SLC8A1: variants seen among roughly 807,000 people sequenced by gnomAD.
SLC8A1 encodes solute carrier family 8 member A1.
A neutral mutation model predicts 68.3 loss-of-function variants in SLC8A1; 18 were observed. The ratio of observed to expected loss-of-function variants is 0.26; its 90% CI spans 0.18 to 0.39. The LOEUF is 0.39. Among genes scored for constraint, SLC8A1 ranks in the 10% least tolerant of loss-of-function variants. The pLI, the probability that SLC8A1 is intolerant of heterozygous loss-of-function variation, is 1.00. For missense variants in SLC8A1, 985 were observed against 1,156.7 expected (o/e 0.85, Z 2.15); for synonymous variants, 475 against 415.5 (o/e 1.14, Z -1.74).
At chr2:40,150,525 A>G (rs1225992374) in intron 6 of SLC8A1, among the ~76,000 whole-genome samples, 3 of 152,188 alleles carry the variant, frequency 2.0e-5, no homozygotes, top group South Asian at 4.1e-4. Flanking sequence ...AACTGTATTC[A>G]CATTGCAGCA....
At chr2:40,391,146 T>C (rs895972581) in intron 2 of SLC8A1, among the ~76,000 whole-genome samples, 1 of 148,778 alleles carries the variant, frequency 6.7e-6, no homozygotes, top group Non-Finnish European at 1.5e-5. Flanking sequence ...CCTTAAAATA[T>C]ATATATATAT....
At chr2:40,486,689 TTAG>T (rs1193675472) in intron 1 of SLC8A1, among the ~76,000 whole-genome samples, 1 of 152,204 alleles carries the variant, frequency 6.6e-6, no homozygotes, top group East Asian at 1.9e-4. Context: ...AGGTTTCCTA[TTAG>T]TAGTATCTTA....
intron 2 of SLC8A1, among the ~76,000 whole-genome samples, chr2:40,210,351 C>G (rs1661043267): frequency 6.6e-6 from 1 of 152,100 alleles, no homozygotes; most frequent in South Asian, 2.1e-4. Flanking sequence ...ACTCATAGCT[C>G]TTTGCATTTG....
intron 2 of SLC8A1, among the ~76,000 whole-genome samples, chr2:40,392,876 C>T (rs1390882849): frequency 1.3e-5 from 2 of 152,064 alleles, no homozygotes; most frequent in Non-Finnish European, 2.9e-5. Context: ...TTACTCACTT[C>T]ACTTCTTCTT....
chr2:40,149,044 G>C (rs534702827), intron 6 of SLC8A1, among the ~76,000 whole-genome samples: 2 of 152,288 alleles, frequency 1.3e-5, no homozygotes, highest in South Asian at 4.1e-4. Flanking sequence ...TTGTCAATAA[G>C]TCAGTGGCCT....
intron 2 of SLC8A1, among the ~76,000 whole-genome samples, chr2:40,282,644 G>C (rs777489135): frequency 1.3e-5 from 2 of 152,114 alleles, no homozygotes; most frequent in Non-Finnish European, 2.9e-5. Context: ...GTTTAGTACC[G>C]AAATAAAAAC....
chr2:40,366,837 T>C (rs1431512978), intron 2 of SLC8A1, among the ~76,000 whole-genome samples: 1 of 152,094 alleles, frequency 6.6e-6, no homozygotes, highest in East Asian at 1.9e-4. Flanking sequence ...ATGGATATTT[T>C]GCCATCGCCA....
rs182091719 is a variant in SLC8A1 at position 40,326,924 on chromosome 2, A to G, written c.1808+101549T>C. Among the ~76,000 whole-genome samples the G allele has an allele frequency of 1.2e-3, 186 of 152,352 alleles. 1 individual carries two copies. The Middle Eastern group carries it at 0.014, about 11-fold the overall frequency. The stretch of plus-strand genomic sequence containing the variant: ...ATTGATCCCAAGGTCAGGGCTCATT[A>G]GTAGAAATTGCTAATGGTCCAAGTA... On this transcript the variant is annotated intron_variant, in intron 2 of 7. Coordinates refer to ENST00000406785, the Ensembl canonical transcript of SLC8A1.
At chr2:40,455,294 C>T (rs1434933845), upstream of SLC8A1, among the ~76,000 whole-genome samples, 1 of 152,142 alleles carries the variant, frequency 6.6e-6, no homozygotes, top group Non-Finnish European at 1.5e-5. Context: ...ATATTTAATA[C>T]TTTACTAAAG....
chr2:40,464,632 G>T (rs1212116422), intron 1 of SLC8A1, among the ~76,000 whole-genome samples: 2 of 152,304 alleles, frequency 1.3e-5, no homozygotes, highest in Middle Eastern at 3.4e-3. Context: ...GGAATGGAGT[G>T]GTGTGGGGTT....
intron 2 of SLC8A1, among the ~76,000 whole-genome samples, chr2:40,422,608 T>C (rs1695827293): frequency 6.6e-6 from 1 of 152,062 alleles, no homozygotes; most frequent in Non-Finnish European, 1.5e-5. Context: ...GAGCAATAAC[T>C]CTTGAGAAAA....
At chr2:40,381,068 T>C (rs1232183395) in intron 2 of SLC8A1, among the ~76,000 whole-genome samples, 3 of 152,068 alleles carry the variant, frequency 2.0e-5, no homozygotes, top group Non-Finnish European at 2.9e-5. Flanking sequence ...TATAGCAGAA[T>C]GTGATTAAAG....
intron 2 of SLC8A1, among the ~76,000 whole-genome samples, chr2:40,196,624 A>G (rs146209195): frequency 2.3e-3 from 345 of 152,134 alleles, no homozygotes; most frequent in African/African-American, 7.8e-3. Context: ...TGATCCATCA[A>G]TTGGTGTTAG....
At chr2:40,333,579 T>A (rs1394076365) in intron 2 of SLC8A1, among the ~76,000 whole-genome samples, 2 of 152,184 alleles carry the variant, frequency 1.3e-5, no homozygotes, top group African/African-American at 4.8e-5. Context: ...AGGTATCCCA[T>A]TGAGCTTATT....
In SLC8A1 at chr2:40,117,337, G is replaced by C. The variant is rs552511474; in HGVS notation, c.2438-1708C>G. Reference sequence around the variant, plus strand: ...AGATGGGCGGATCACTTGAGGTTAGGAGTTCGAGACCAGTTTGGCCAACAT... The same window carrying C: ...AGATGGGCGGATCACTTGAGGTTAGCAGTTCGAGACCAGTTTGGCCAACAT... On this transcript the variant is annotated intron_variant, in intron 7 of 7. Transcript: ENST00000406785. 1.9e-3 allele frequency among the ~76,000 whole-genome samples: 263 copies of C among 141,162 alleles called. 1 individual carries two copies. The highest frequency in any genetic ancestry group is 3.1e-3 in the Non-Finnish European group (209 of 66,464). 92.6% of individuals were successfully genotyped at this position (141,162 alleles called of 152,430 possible).
At chr2:40,333,120 G>A (rs558085110) in intron 2 of SLC8A1, among the ~76,000 whole-genome samples, 1 of 152,248 alleles carries the variant, frequency 6.6e-6, no homozygotes, top group South Asian at 2.1e-4. Flanking sequence ...ATCTCTTAAC[G>A]AAAATACTTG....
upstream of SLC8A1, among the ~76,000 whole-genome samples, chr2:40,453,913 C>T (rs367696608): frequency 2.4e-4 from 36 of 152,258 alleles, no homozygotes; most frequent in African/African-American, 4.3e-4. Flanking sequence ...AGCTGCTTCA[C>T]GTCTTATAAA....
chr2:40,197,180 G>A (rs1182981188), intron 2 of SLC8A1, among the ~76,000 whole-genome samples: 1 of 151,922 alleles, frequency 6.6e-6, no homozygotes, highest in Non-Finnish European at 1.5e-5. Context: ...CCCATTTGGG[G>A]GCCAGATGAA....
At chr2:40,204,187 T>G (rs1187575273) in intron 2 of SLC8A1, among the ~76,000 whole-genome samples, 2 of 152,054 alleles carry the variant, frequency 1.3e-5, no homozygotes, top group Non-Finnish European at 2.9e-5. Context: ...AGAAAACATC[T>G]TAAATTTGGG....
Sources: allele counts gnomAD v4.1 joint callset (sites outside exome capture counted in the v4.1 genomes callset), GRCh38; gene constraint gnomAD v4.1.1; transcripts MANE v1.5; gene names NCBI Gene and HGNC (gene_info 2026-07-23, HGNC 2026-07-21).